Variants in KAZN observed in about 807,000 individuals in gnomAD.
The protein encoded by KAZN is kazrin.
In KAZN, 40 loss-of-function variants were observed where a neutral mutation model predicts 87.4. The ratio of observed to expected loss-of-function variants is 0.46; its 90% CI spans 0.36 to 0.60. KAZN has a LOEUF of 0.60. Among genes scored for constraint, KAZN ranks in the 20% least tolerant of loss-of-function variants. KAZN has a pLI of 0.00. For synonymous variants in KAZN, 466 were observed against 458.3 expected (o/e 1.02, Z -0.22); for missense variants, 898 against 1,073.9 (o/e 0.84, Z 2.29).
chr1:13,930,652 A>G (rs1011898436), intron 1 of KAZN, among the ~76,000 whole-genome samples: 5 of 152,248 alleles, frequency 3.3e-5, no homozygotes, highest in Non-Finnish European at 7.3e-5. Flanking sequence ...CAGACAAATT[A>G]AAATGCTATA....
At chr1:14,651,733 C>G (rs1008175614) in intron 1 of KAZN, among the ~76,000 whole-genome samples, 1 of 152,148 alleles carries the variant, frequency 6.6e-6, no homozygotes, top group East Asian at 1.9e-4. Context: ...TAAGATGAAC[C>G]GTGTGAGCTC....
At chr1:14,946,015 C>A in intron 1 of KAZN, 1 of 582,096 alleles carries the variant, frequency 1.7e-6, no homozygotes, top group Non-Finnish European at 2.2e-6. Flanking sequence ...GCACAGCAGC[C>A]CTGGGAGATG....
chr1:14,894,574 T>A (rs1271396594), intron 1 of KAZN, among the ~76,000 whole-genome samples: 1 of 152,230 alleles, frequency 6.6e-6, no homozygotes, highest in Non-Finnish European at 1.5e-5. Flanking sequence ...ATCTCAAGCA[T>A]CACCTCCTCC....
At chr1:14,308,784 C>CGTTAGCTAAGATT (rs5741581) in intron 2 of KAZN, among the ~76,000 whole-genome samples, 14,116 of 152,050 alleles carry the variant, frequency 0.093, 730 homozygotes, top group Non-Finnish European at 0.11. Context: ...AGCATTCAGT[C>CGTTAGCTAAGATT]ATCAGTATGG....
intron 2 of KAZN, among the ~76,000 whole-genome samples, chr1:14,311,832 A>G (rs549412662): frequency 1.2e-3 from 178 of 152,134 alleles, no homozygotes; most frequent in Non-Finnish European, 2.0e-3. Context: ...GTGCAAATGT[A>G]TGGAGGTGGG....
At chr1:14,559,612 C>T (rs578209373) in intron 2 of KAZN, among the ~76,000 whole-genome samples, 2 of 152,312 alleles carry the variant, frequency 1.3e-5, no homozygotes, top group East Asian at 1.9e-4. Flanking sequence ...TTCCCAAGAC[C>T]GGACTGCATT....
chr1:13,962,592 C>T (rs1196915384), intron 1 of KAZN, among the ~76,000 whole-genome samples: 2 of 152,154 alleles, frequency 1.3e-5, no homozygotes, highest in African/African-American at 4.8e-5. Context: ...GAGTCTTGCT[C>T]TGTCACCCAG....
At chr1:14,216,997 C>G (rs907293300) in intron 2 of KAZN, among the ~76,000 whole-genome samples, 1 of 152,118 alleles carries the variant, frequency 6.6e-6, no homozygotes, top group African/African-American at 2.4e-5. Context: ...TTTGTCACTT[C>G]CAAAACTTGT....
At chr1:15,019,944 C>T (rs35976169) in intron 2 of KAZN, among the ~76,000 whole-genome samples, 1 of 152,142 alleles carries the variant, frequency 6.6e-6, no homozygotes, top group African/African-American at 2.4e-5. Flanking sequence ...TGTCCTCCCC[C>T]TTAACTAACC....
chr1:14,469,721 G>A (rs1018108013), intron 2 of KAZN, among the ~76,000 whole-genome samples: 1 of 152,160 alleles, frequency 6.6e-6, no homozygotes, highest in Non-Finnish European at 1.5e-5. Context: ...TGGATAACAG[G>A]CTTTTCTGGA....
intron 2 of KAZN, among the ~76,000 whole-genome samples, chr1:14,346,603 G>A (rs906095136): frequency 1.3e-5 from 2 of 152,120 alleles, no homozygotes; most frequent in Non-Finnish European, 1.5e-5. Flanking sequence ...GTATCAGTAA[G>A]ATATGACTTC....
At chr1:14,292,831 C>T (rs1188833203) in intron 2 of KAZN, among the ~76,000 whole-genome samples, 1 of 152,198 alleles carries the variant, frequency 6.6e-6, no homozygotes. Context: ...CCTCCAACCC[C>T]CTGAAGCTGA....
intron 2 of KAZN, among the ~76,000 whole-genome samples, chr1:14,182,457 T>C (rs919302170): frequency 1.3e-5 from 2 of 152,326 alleles, no homozygotes. Flanking sequence ...ACCACTCTGA[T>C]TGGTTTTCTT....
chr1:14,453,561 C>A (rs755009811), intron 2 of KAZN, among the ~76,000 whole-genome samples: 22 of 152,202 alleles, frequency 1.4e-4, no homozygotes, highest in Non-Finnish European at 2.8e-4. Flanking sequence ...TCTGCCCAGG[C>A]ATGGTGTCTC....
intron 2 of KAZN, among the ~76,000 whole-genome samples, chr1:14,454,762 G>A (rs2148337878): frequency 6.6e-6 from 1 of 152,338 alleles, no homozygotes; most frequent in East Asian, 1.9e-4. Context: ...TGCTTGGTCA[G>A]GGAAGAAAAT....
chr1:14,108,463 C>G (rs1570755609), intron 1 of KAZN, among the ~76,000 whole-genome samples: 1 of 152,264 alleles, frequency 6.6e-6, no homozygotes, highest in African/African-American at 2.4e-5. Flanking sequence ...TATTTTTTAC[C>G]TGAACTGTTT....
chr1:13,932,388 G>C (rs1640556332), intron 1 of KAZN, among the ~76,000 whole-genome samples: 1 of 149,890 alleles, frequency 6.7e-6, no homozygotes, highest in East Asian at 2.0e-4. Context: ...AGCCTCCCGA[G>C]TAGCTGGGAC....
rs182975678 is a variant in KAZN, at chr1:14,924,487, G to A, written c.227-36197G>A. 6,545 of 995,830 alleles carry A rather than the reference G, an allele frequency of 6.6e-3. 274 individuals carry two copies. In the East Asian group the frequency reaches 0.09, roughly 14 times the overall value. 61.7% of individuals were successfully genotyped at this position (995,830 alleles called of 1,614,324 possible). A position where few individuals can be genotyped will look rare whatever the true frequency, so the allele number is the denominator to read the frequency against. On this transcript the variant is annotated intron_variant, in intron 1 of 14. Transcript: ENST00000376030. ...GGCCCCCGGGACCCGCAGCCTGCGAGCAGTGCGTGGACGCGGCGGGGCCCG... is the reference window on the plus strand; with the variant it reads ...GGCCCCCGGGACCCGCAGCCTGCGAACAGTGCGTGGACGCGGCGGGGCCCG...
chr1:13,988,705 T>C (rs1639138154), intron 1 of KAZN, among the ~76,000 whole-genome samples: 1 of 152,184 alleles, frequency 6.6e-6, no homozygotes, highest in Admixed American at 6.5e-5. Context: ...TTGGTGAGCA[T>C]GTAACAAGTC....
Sources: allele counts gnomAD v4.1 joint callset (sites outside exome capture counted in the v4.1 genomes callset), GRCh38; gene constraint gnomAD v4.1.1; transcripts MANE v1.5; gene names NCBI Gene and HGNC (gene_info 2026-07-23, HGNC 2026-07-21).